NAT1: variants seen among roughly 807,000 people sequenced by gnomAD.
NAT1 encodes N-acetyltransferase 1.
For synonymous variants in NAT1, 144 were observed against 122.6 expected, an observed-to-expected ratio of 1.17 and a Z score of -1.16; for missense variants, 400 against 339.2, an observed-to-expected ratio of 1.18 and a Z score of -1.41.
At chr8:18,174,026 G>A (rs761791041) in intron 2 of NAT1, among the ~76,000 whole-genome samples, 2 of 152,146 alleles carry the variant, frequency 1.3e-5, no homozygotes, top group Non-Finnish European at 2.9e-5. Flanking sequence ...GCTTGTTGAT[G>A]TGTGTGTGAG....
intron 2 of NAT1, among the ~76,000 whole-genome samples, chr8:18,175,666 A>C (rs1465885779): frequency 2.0e-5 from 3 of 152,148 alleles, no homozygotes; most frequent in African/African-American, 7.2e-5. Context: ...ATAATGCTGA[A>C]ATGAACATGG....
chr8:18,188,067 C>T (rs1802817612), intron 2 of NAT1, among the ~76,000 whole-genome samples: 1 of 151,682 alleles, frequency 6.6e-6, no homozygotes, highest in Non-Finnish European at 1.5e-5. Context: ...TAAAATTCAT[C>T]TTTACATAAT....
At chr8:18,215,982 G>A (rs1054491554) in intron 1 of NAT1, among the ~76,000 whole-genome samples, 4 of 152,124 alleles carry the variant, frequency 2.6e-5, no homozygotes, top group Non-Finnish European at 2.9e-5. Flanking sequence ...GGAAAGGATG[G>A]GATATCGAGA....
intron 2 of NAT1, among the ~76,000 whole-genome samples, chr8:18,179,850 G>A (rs2117216760): frequency 6.6e-6 from 1 of 152,294 alleles, no homozygotes; most frequent in South Asian, 2.1e-4. Flanking sequence ...GAAACACAAG[G>A]AAGGCACTGT....
In NAT1 at chr8:18,177,395, A is replaced by G. The variant is rs996325; in HGVS notation, n.92+6656A>G. On this transcript the variant is annotated intron_variant and non_coding_transcript_variant, in intron 2 of 4. Coordinates refer to the NAT1 transcript ENST00000517441. ...GAGCATTAGTCAGACTTATCCTCTA[A>G]GTCCTAAAATTTTGTGTTTAAAAAT... Among the ~76,000 whole-genome samples the G allele has an allele frequency of 3.9e-3, 597 of 152,230 alleles. 2 individuals carry two copies. Among genetic ancestry groups the G allele is most frequent in the African/African-American group, 0.013 (557 of 41,572 alleles).
intron 1 of NAT1, among the ~76,000 whole-genome samples, chr8:18,216,194 T>C (rs1195405332): frequency 1.3e-5 from 2 of 152,202 alleles, no homozygotes; most frequent in Non-Finnish European, 2.9e-5. Context: ...TTACCCTGAC[T>C]TTCTGTGGTG....
chr8:18,219,673 A>T (rs1428961724), intron 2 of NAT1, among the ~76,000 whole-genome samples, 184 bp downstream of exon 2: 1 of 152,256 alleles, frequency 6.6e-6, no homozygotes, highest in East Asian at 1.9e-4. Context: ...CTACTTTCCA[A>T]GTGCTTTCAG....
At chr8:18,213,305 T>TA (rs1804295676) in intron 1 of NAT1, among the ~76,000 whole-genome samples, 1 of 152,120 alleles carries the variant, frequency 6.6e-6, no homozygotes, top group Non-Finnish European at 1.5e-5. Flanking sequence ...GAATGCACTC[T>TA]CCAATTACCT....
At chr8:18,181,691 TG>T (rs746051068) in intron 2 of NAT1, among the ~76,000 whole-genome samples, 56 of 152,214 alleles carry the variant, frequency 3.7e-4, no homozygotes, top group Non-Finnish European at 7.1e-4. Context: ...TTTCTCCATT[TG>T]GTATGATGTT....
chr8:18,187,991 C>T (rs1024363), intron 2 of NAT1, among the ~76,000 whole-genome samples: 52,222 of 136,568 alleles, frequency 0.38, 11,210 homozygotes, highest in African/African-American at 0.62. Context: ...TTTTATGCCA[C>T]ATGAGACAGC....
intron 1 of NAT1, chr8:18,211,135 C>A (rs1178194768): frequency 6.6e-6 from 1 of 151,604 alleles, no homozygotes; most frequent in Admixed American, 6.6e-5. Flanking sequence ...AGGACACTTA[C>A]TGGAGAGGGT....
At chr8:18,197,824 G>C (rs921351112) in intron 2 of NAT1, among the ~76,000 whole-genome samples, 1 of 151,704 alleles carries the variant, frequency 6.6e-6, no homozygotes, top group African/African-American at 2.4e-5. Context: ...ATGTGACCTG[G>C]TTCTGACCAA....
At chr8:18,192,789 A>G (rs969091120) in intron 2 of NAT1, among the ~76,000 whole-genome samples, 2 of 151,266 alleles carry the variant, frequency 1.3e-5, no homozygotes, top group Non-Finnish European at 2.9e-5. Flanking sequence ...GAATTGAACA[A>G]CGAGAACACA....
intron 2 of NAT1, among the ~76,000 whole-genome samples, chr8:18,204,743 A>G (rs1006196560): frequency 9.9e-5 from 15 of 152,242 alleles, no homozygotes; most frequent in Non-Finnish European, 1.3e-4. Flanking sequence ...ATTAAAACTA[A>G]TAGCCATAAG....
At chr8:18,202,926 GCTGATTGGTCCATTTTATAGAGTA>G (rs1803536394) in intron 2 of NAT1, among the ~76,000 whole-genome samples, 1 of 152,070 alleles carries the variant, frequency 6.6e-6, no homozygotes, top group Admixed American at 6.6e-5. Context: ...TTTTAGAGGC[GCTGATTGGTCCATTTTATAGAGTA>G]CTGATTGGTC....
intron 2 of NAT1, 59 bp downstream of exon 2, chr8:18,219,548 C>T (rs1225088726): frequency 3.4e-6 from 3 of 873,538 alleles, no homozygotes; most frequent in Non-Finnish European, 3.6e-6. Flanking sequence ...CACTCTGCCT[C>T]CTTTAAGTCT....
intron 2 of NAT1, among the ~76,000 whole-genome samples, chr8:18,204,029 C>T (rs1400660428): frequency 6.6e-6 from 1 of 152,168 alleles, no homozygotes; most frequent in Non-Finnish European, 1.5e-5. Context: ...GGCAACCAGC[C>T]TTCCGCACGC....
chr8:18,220,041 TC>T (rs1477688482), intron 2 of NAT1, among the ~76,000 whole-genome samples: 1 of 152,352 alleles, frequency 6.6e-6, no homozygotes, highest in East Asian at 1.9e-4. Context: ...TAAACCGCCT[TC>T]GTCCTTTTAG....
intron 1 of NAT1, among the ~76,000 whole-genome samples, chr8:18,213,852 C>T (rs1170934391): frequency 6.7e-6 from 1 of 149,876 alleles, no homozygotes; most frequent in East Asian, 2.0e-4. Flanking sequence ...GTCTCACTCT[C>T]GCCCAGGCCG....
Sources: gnomAD v4.1 joint callset for allele counts (sites outside exome capture counted in the v4.1 genomes callset) on GRCh38, gnomAD v4.1.1 for gene constraint, MANE v1.5 for transcripts, NCBI Gene and HGNC (gene_info 2026-07-23, HGNC 2026-07-21) for gene names.